Variants in RBFOX1 observed in about 807,000 individuals in gnomAD.
RBFOX1 encodes the protein RNA binding fox-1 homolog 1.
RBFOX1 carries 8 observed loss-of-function variants against 57.7 expected under a neutral mutation model. The observed-to-expected ratio is 0.14, with a 90% CI of 0.08 to 0.25. The LOEUF (loss-of-function observed/expected upper bound fraction) is 0.25. Ranked by LOEUF, RBFOX1 falls within the 10% of genes least tolerant of loss-of-function variation. The pLI is 1.00. For missense variants in RBFOX1, 611 were observed against 548.5 expected (o/e 1.11, Z -1.14); for synonymous variants, 326 against 222.4 (o/e 1.47, Z -4.15).
intron 1 of RBFOX1, among the ~76,000 whole-genome samples, chr16:5,283,345 C>T (rs187177052): frequency 1.2e-4 from 18 of 152,282 alleles, no homozygotes; most frequent in African/African-American, 4.1e-4. Context: ...CCTAGTGGAG[C>T]TGTGAGAAGA....
chr16:6,581,520 G>C (rs2097537404), intron 2 of RBFOX1, among the ~76,000 whole-genome samples: 1 of 152,188 alleles, frequency 6.6e-6, no homozygotes, highest in Non-Finnish European at 1.5e-5. Flanking sequence ...TGGTCTAGCT[G>C]AGGTGAAGCA....
intron 4 of RBFOX1, among the ~76,000 whole-genome samples, chr16:7,505,203 C>G (rs1183270795): frequency 7.0e-6 from 1 of 143,084 alleles, no homozygotes; most frequent in Admixed American, 7.1e-5. Context: ...GTGTGCACCT[C>G]AGACACTCTT....
chr16:5,488,836 G>T (rs1418552751), intron 2 of RBFOX1, among the ~76,000 whole-genome samples: 5 of 152,162 alleles, frequency 3.3e-5, no homozygotes, highest in Admixed American at 3.3e-4. Context: ...TGATGGTGCT[G>T]GTGGGGTGTG....
intron 4 of RBFOX1, among the ~76,000 whole-genome samples, chr16:7,085,223 C>A (rs1340924134): frequency 7.2e-5 from 11 of 152,088 alleles, no homozygotes; most frequent in Non-Finnish European, 5.9e-5. Flanking sequence ...CAAATAACAT[C>A]TGATTCCATG....
At position 7,635,525 on chromosome 16, in the gene RBFOX1, T is replaced by G. The variant is rs76148937; in HGVS notation, c.757+4842T>G. Among the ~76,000 whole-genome samples the G allele has an allele frequency of 2.5e-4, 38 of 152,210 alleles. 1 individual carries two copies. In the East Asian group the frequency reaches 7.3e-3, roughly 29 times the overall value. On this transcript the variant is annotated intron_variant, in intron 11 of 15. Transcript: ENST00000550418. ...GTGGACGCCCAGTATCTTTCTACAT[T>G]TTCTCCGTGGTTATTCAGGAAAGGA...
intron 2 of RBFOX1, among the ~76,000 whole-genome samples, chr16:6,398,514 T>C (rs1247102791): frequency 3.3e-5 from 5 of 152,090 alleles, no homozygotes; most frequent in African/African-American, 4.8e-5. Flanking sequence ...AGGCATCGGA[T>C]AAATACACTC....
At chr16:7,016,396 C>A (rs1414507480) in intron 3 of RBFOX1, among the ~76,000 whole-genome samples, 1 of 152,134 alleles carries the variant, frequency 6.6e-6, no homozygotes, top group African/African-American at 2.4e-5. Flanking sequence ...ATACTGAAAA[C>A]AAGGCACTGA....
intron 3 of RBFOX1, among the ~76,000 whole-genome samples, chr16:6,826,714 T>C (rs1190258274): frequency 6.6e-6 from 1 of 152,164 alleles, no homozygotes; most frequent in South Asian, 2.1e-4. Context: ...CCAGGTGATT[T>C]ATTTTTCTCA....
chr16:7,065,200 A>G (rs1046396443), intron 4 of RBFOX1, among the ~76,000 whole-genome samples: 1 of 152,166 alleles, frequency 6.6e-6, no homozygotes, highest in Non-Finnish European at 1.5e-5. Flanking sequence ...CTAATATTTC[A>G]TGGTTTAGTG....
intron 2 of RBFOX1, among the ~76,000 whole-genome samples, chr16:6,591,359 C>G (rs906613264): frequency 1.3e-5 from 2 of 152,090 alleles, no homozygotes; most frequent in Non-Finnish European, 2.9e-5. Context: ...GAGGCTGAGG[C>G]ATGAGAATCA....
intron 1 of RBFOX1, chr16:6,038,904 A>G (rs915241089): frequency 2.7e-5 from 4 of 150,882 alleles, no homozygotes; most frequent in Middle Eastern, 6.8e-3. Context: ...GACTCATGCC[A>G]AGCAGCATCC....
chr16:6,829,365 A>G (rs1181923355), intron 3 of RBFOX1, among the ~76,000 whole-genome samples: 2 of 152,138 alleles, frequency 1.3e-5, no homozygotes, highest in East Asian at 3.9e-4. Flanking sequence ...TTCAATGTGT[A>G]CACACACATA....
chr16:5,808,557 A>C (rs1296907869), intron 3 of RBFOX1, among the ~76,000 whole-genome samples: 2 of 152,144 alleles, frequency 1.3e-5, no homozygotes, highest in African/African-American at 2.4e-5. Context: ...ATGATCATGG[A>C]ATGTTCTTCC....
intron 3 of RBFOX1, among the ~76,000 whole-genome samples, chr16:6,794,280 A>ATTTTT (rs372963833): frequency 0.011 from 1,389 of 125,138 alleles, 38 homozygotes; most frequent in East Asian, 0.083. Context: ...CTTGTTCGTG[A>ATTTTT]TTTTTTTTTT....
intron 4 of RBFOX1, among the ~76,000 whole-genome samples, chr16:5,882,628 G>C (rs889085624): frequency 6.6e-6 from 1 of 152,162 alleles, no homozygotes; most frequent in African/African-American, 2.4e-5. Context: ...TTCAACATTT[G>C]AGGGGACACT....
At chr16:6,344,407 C>CTTTTCTTTTTT (rs767256133) in intron 2 of RBFOX1, among the ~76,000 whole-genome samples, 17 of 109,842 alleles carry the variant, frequency 1.5e-4, no homozygotes, top group South Asian at 1.1e-3. Context: ...TCTTTTTTTT[C>CTTTTCTTTTTT]TTTTTTTTTT....
chr16:6,450,785 ATATACATATATATATG>A (rs1567302873), intron 2 of RBFOX1, among the ~76,000 whole-genome samples: 693 of 54,504 alleles, frequency 0.013, 78 homozygotes, highest in South Asian at 0.022. Flanking sequence ...ATATATATAT[ATATACATATATATATG>A]TATATATATA....
intron 3 of RBFOX1, among the ~76,000 whole-genome samples, chr16:5,774,504 A>G (rs1273903158): frequency 6.6e-6 from 1 of 152,216 alleles, no homozygotes; most frequent in African/African-American, 2.4e-5. Flanking sequence ...AATCTATTTC[A>G]ACAAGGAGAG....
At position 7,052,020 on chromosome 16, in the gene RBFOX1, C is replaced by A. The variant is rs746059188; in HGVS notation, c.-15-37C>A. 3.2e-6 allele frequency: 5 copies of A among 1,575,276 alleles called. No individual in the cohort carries two copies. The African/African-American group carries it at 6.8e-5, about 22-fold the overall frequency. On this transcript the variant is annotated intron_variant, in intron 3 of 15. Coordinates refer to ENST00000550418, the MANE Select transcript of RBFOX1 (RefSeq NM_018723.4). ...CTTTCATGTTTTTCTGATCCGGAGC[C>A]TTCTGACTTTTCCCCTTCATTTTCT...
Sources: allele counts gnomAD v4.1 joint callset (sites outside exome capture counted in the v4.1 genomes callset), GRCh38; gene constraint gnomAD v4.1.1; transcripts MANE v1.5; gene names NCBI Gene and HGNC (gene_info 2026-07-23, HGNC 2026-07-21).